ADAMTS16: variants seen among roughly 807,000 people sequenced by gnomAD.
The protein encoded by ADAMTS16 is A disintegrin and metalloproteinase with thrombospondin motifs 16.
Under a neutral mutation model 145.8 loss-of-function variants are expected in ADAMTS16, and 94 were observed. The ratio of observed to expected loss-of-function variants is 0.64; its 90% CI spans 0.55 to 0.77. The LOEUF is 0.77. Ranked by LOEUF, ADAMTS16 falls within the 30% of genes least tolerant of loss-of-function variation. The probability of loss-of-function intolerance (pLI) is 0.00; values close to 1 mark genes in which losing one functional copy is unlikely to be tolerated. For synonymous variants in ADAMTS16, 659 were observed against 604.3 expected (o/e 1.09, Z -1.33); for missense variants, 1,585 against 1,591.5 (o/e 1.00, Z 0.07).
intron 18 of ADAMTS16, among the ~76,000 whole-genome samples, chr5:5,268,616 C>T (rs1385249403): frequency 2.6e-5 from 4 of 152,138 alleles, no homozygotes; most frequent in South Asian, 4.1e-4. Context: ...TTCTCCTTCC[C>T]GTCTTTGTTA....
chr5:5,313,608 C>T (rs998945428), intron 21 of ADAMTS16, among the ~76,000 whole-genome samples: 5 of 152,298 alleles, frequency 3.3e-5, no homozygotes, highest in Admixed American at 3.3e-4. Flanking sequence ...GGGAGCTCCC[C>T]ACAATTTGGT....
At chr5:5,182,437 A>C (rs1029967536) in intron 4 of ADAMTS16, 132 bp downstream of exon 4, 1 of 1,188,408 alleles carries the variant, frequency 8.4e-7, no homozygotes. Flanking sequence ...GCTAAACTGA[A>C]GCAATGATTC....
Position 5,318,010 on chromosome 5 carries a change from C to T in ADAMTS16, c.3412-124C>T, listed in dbSNP as rs533750569. 11 of 1,110,770 alleles carry T rather than the reference C, an allele frequency of 9.9e-6. No individual in the cohort carries two copies. The South Asian group carries it at 1.1e-4, about 11-fold the overall frequency. 68.8% of individuals were successfully genotyped at this position (1,110,770 alleles called of 1,614,324 possible). On this transcript the variant is annotated intron_variant, in intron 21 of 22. Transcript: ENST00000274181. ...CCAACCATAACTCCACCTGCCTCTG[C>T]GACTAAGTCGCTCTTCCCTCACTGG...
At chr5:5,241,961 G>A in intron 16 of ADAMTS16, 92 bp from the exon 17 acceptor site, 1 of 1,406,132 alleles carries the variant, frequency 7.1e-7, no homozygotes, top group Non-Finnish European at 9.8e-7. Context: ...CTTGTTGATT[G>A]ATTATTGTTT....
intron 18 of ADAMTS16, among the ~76,000 whole-genome samples, chr5:5,266,081 CA>C (rs1738230998): frequency 6.7e-6 from 1 of 148,312 alleles, no homozygotes; most frequent in South Asian, 2.2e-4. Context: ...GAAGTAAATC[CA>C]TCAGGATGTT....
rs775064149 is a variant in ADAMTS16, at chr5:5,318,165, C to A, written c.3443C>A (p.Thr1148Lys). 7 of 1,527,494 alleles carry A rather than the reference C, an allele frequency of 4.6e-6. No homozygotes were observed. The highest frequency in any genetic ancestry group is 2.4e-5 in the East Asian group (1 of 41,694). 94.6% of individuals were successfully genotyped at this position (1,527,494 alleles called of 1,614,324 possible). A position where few individuals can be genotyped will look rare whatever the true frequency, so the allele number is the denominator to read the frequency against. ...GCCAGCTGTGGGGGAGGCGTTCAGA[C>A]GAGGTCCGTGCAGTGCCTGGCTGGG... ...CTASCGGGVQ[T>K]RSVQCLAGGR... The change falls in exon 22 of 23, where the codon ACG (threonine) becomes AAG (lysine). Residue 1148 changes from threonine to lysine, a missense_variant. Coordinates refer to ENST00000274181, the MANE Select transcript of ADAMTS16 (RefSeq NM_139056.4).
intron 11 of ADAMTS16, among the ~76,000 whole-genome samples, chr5:5,229,265 T>C (rs1736856717): frequency 7.7e-6 from 1 of 130,062 alleles, no homozygotes; most frequent in Non-Finnish European, 1.5e-5. Context: ...GCCACTGCAG[T>C]CCGCAGTCCG....
chr5:5,200,376 G>C, intron 9 of ADAMTS16, 107 bp downstream of exon 9: 6 of 1,454,188 alleles, frequency 4.1e-6, no homozygotes, highest in Non-Finnish European at 5.6e-6. Flanking sequence ...TCCTGATGTG[G>C]TTCCCTTTGA....
intron 17 of ADAMTS16, among the ~76,000 whole-genome samples, chr5:5,244,384 T>C (rs17713940): frequency 0.15 from 23,071 of 152,222 alleles, 1,893 homozygotes; most frequent in Middle Eastern, 0.19. Flanking sequence ...GCACCTACTA[T>C]GTGCTTTCAC....
At chr5:5,293,623 C>T (rs532783919) in intron 18 of ADAMTS16, among the ~76,000 whole-genome samples, 5 of 152,258 alleles carry the variant, frequency 3.3e-5, no homozygotes, top group East Asian at 3.9e-4. Flanking sequence ...ACTGTGTTTC[C>T]GTCCTTGTCC....
chr5:5,207,885 A>G (rs754756171), intron 9 of ADAMTS16, among the ~76,000 whole-genome samples: 2 of 152,148 alleles, frequency 1.3e-5, no homozygotes, highest in African/African-American at 2.4e-5. Flanking sequence ...CCACTTGGTC[A>G]TAGTATATAG....
At chr5:5,270,731 T>C (rs1738436292) in intron 18 of ADAMTS16, among the ~76,000 whole-genome samples, 1 of 152,226 alleles carries the variant, frequency 6.6e-6, no homozygotes, top group South Asian at 2.1e-4. Flanking sequence ...ATGCAAAATA[T>C]ATTTCTATTA....
intron 3 of ADAMTS16, among the ~76,000 whole-genome samples, chr5:5,153,112 A>G (rs964990422): frequency 2.6e-5 from 4 of 152,236 alleles, no homozygotes; most frequent in African/African-American, 9.6e-5. Context: ...GCTCATGCAC[A>G]TGAATTTGCA....
chr5:5,241,229 T>A (rs1737281878), intron 16 of ADAMTS16, among the ~76,000 whole-genome samples: 1 of 152,220 alleles, frequency 6.6e-6, no homozygotes, highest in African/African-American at 2.4e-5. Context: ...GGGATTTATG[T>A]CAACAGGTTA....
intron 18 of ADAMTS16, among the ~76,000 whole-genome samples, chr5:5,300,337 T>C (rs980287344): frequency 6.6e-6 from 1 of 151,884 alleles, no homozygotes; most frequent in Non-Finnish European, 1.5e-5. Context: ...AAGCCAAGAA[T>C]CAATTTTTCA....
intron 4 of ADAMTS16, among the ~76,000 whole-genome samples, chr5:5,183,490 G>A (rs1735400466): frequency 1.3e-5 from 2 of 152,214 alleles, no homozygotes; most frequent in Non-Finnish European, 2.9e-5. Flanking sequence ...ATGCCAGGGA[G>A]AGGAAGTGGC....
intron 3 of ADAMTS16, among the ~76,000 whole-genome samples, chr5:5,148,522 A>G (rs10462803): frequency 0.58 from 88,167 of 152,004 alleles, 26,250 homozygotes; most frequent in Middle Eastern, 0.79. Context: ...ACAGTTGTGA[A>G]ACAATGCAAT....
chr5:5,296,664 G>T (rs1739544095), intron 18 of ADAMTS16, among the ~76,000 whole-genome samples: 5 of 152,138 alleles, frequency 3.3e-5, no homozygotes, highest in African/African-American at 1.2e-4. Context: ...TCAATTTCTG[G>T]TTCATACAGA....
intron 3 of ADAMTS16, among the ~76,000 whole-genome samples, chr5:5,154,501 C>A (rs1458879897): frequency 1.3e-5 from 2 of 152,114 alleles, no homozygotes; most frequent in Non-Finnish European, 2.9e-5. Context: ...ACAGATTTTT[C>A]TATTAATTTA....
Sources: allele counts gnomAD v4.1 joint callset (sites outside exome capture counted in the v4.1 genomes callset), GRCh38; gene constraint gnomAD v4.1.1; transcripts MANE v1.5; gene names NCBI Gene and HGNC (gene_info 2026-07-23, HGNC 2026-07-21).